The following CCNH variants were observed in gnomAD, a reference collection of about 807,000 sequenced individuals.
CCNH encodes cyclin H, also known as cyclin-H.
CCNH carries 31 observed loss-of-function variants against 41.9 expected under a neutral mutation model. The ratio of observed to expected loss-of-function variants is 0.74; its 90% confidence interval spans 0.56 to 1.00. CCNH has a LOEUF of 1.00. CCNH is among the 50% of genes least tolerant of loss of function. The pLI is 0.00. For synonymous variants in CCNH, 138 were observed against 136.1 expected (o/e 1.01, Z -0.10); for missense variants, 362 against 388.4 (o/e 0.93, Z 0.57).
chr5:87,333,893 A>C (rs986252274), intron 9 of CCNH, among the ~76,000 whole-genome samples: 1 of 152,136 alleles, frequency 6.6e-6, no homozygotes, highest in Non-Finnish European at 1.5e-5. Flanking sequence ...TTGTAATGTA[A>C]ACTGGACAGG....
downstream of CCNH, chr5:87,391,034 C>A: frequency 1.3e-6 from 1 of 787,716 alleles, no homozygotes; most frequent in Non-Finnish European, 2.2e-6. Context: ...CAAGATTCTG[C>A]TGGTGAATAA....
intron 9 of CCNH, among the ~76,000 whole-genome samples, chr5:87,348,007 C>A (rs1409718444): frequency 6.6e-6 from 1 of 151,926 alleles, no homozygotes; most frequent in Non-Finnish European, 1.5e-5. Flanking sequence ...ATTTTCTCTC[C>A]TGAGAAGTAC....
intron 3 of CCNH, among the ~76,000 whole-genome samples, chr5:87,408,527 A>C (rs986587156): frequency 6.6e-6 from 1 of 152,214 alleles, no homozygotes; most frequent in African/African-American, 2.4e-5. Context: ...TGTAGATGGA[A>C]GAGTTAAAAA....
chr5:87,400,106 ACT>A (rs1763288616), intron 6 of CCNH, among the ~76,000 whole-genome samples: 1 of 152,226 alleles, frequency 6.6e-6, no homozygotes, highest in Non-Finnish European at 1.5e-5. Flanking sequence ...TTGTTATTCA[ACT>A]ATAATAAACC....
downstream of CCNH, chr5:87,386,811 C>G: frequency 6.2e-7 from 1 of 1,607,652 alleles, no homozygotes; most frequent in Non-Finnish European, 8.5e-7. Context: ...ATAACAGAAG[C>G]ATTTTATTTT....
intron 9 of CCNH, among the ~76,000 whole-genome samples, chr5:87,320,844 G>C (rs888034040): frequency 6.6e-6 from 1 of 152,218 alleles, no homozygotes; most frequent in East Asian, 1.9e-4. Context: ...AATGATGACT[G>C]CATTGTGAAA....
chr5:87,370,453 A>G (rs1353915255), intron 9 of CCNH, among the ~76,000 whole-genome samples: 1 of 152,148 alleles, frequency 6.6e-6, no homozygotes, highest in Non-Finnish European at 1.5e-5. Flanking sequence ...TTTAAAAAAC[A>G]CTCTTTAAAA....
chr5:87,371,985 G>A (rs1211499173), downstream of CCNH: 4 of 650,968 alleles, frequency 6.1e-6, no homozygotes, highest in East Asian at 2.7e-5. Flanking sequence ...ATGAAGTACA[G>A]TATAGTCTGA....
intron 7 of CCNH, among the ~76,000 whole-genome samples, chr5:87,396,002 T>G (rs1205299640): frequency 6.6e-6 from 1 of 151,790 alleles, no homozygotes; most frequent in African/African-American, 2.4e-5. Context: ...CTGTATCCTG[T>G]GGGTTCCACA....
downstream of CCNH, among the ~76,000 whole-genome samples, chr5:87,372,701 TA>T (rs1761037682): frequency 6.6e-6 from 1 of 152,222 alleles, no homozygotes; most frequent in Non-Finnish European, 1.5e-5. Flanking sequence ...TTTTTGCCTT[TA>T]CAAGGGTAAC....
At chr5:87,374,445 A>G, downstream of CCNH, 1 of 263,544 alleles carries the variant, frequency 3.8e-6, no homozygotes, top group Non-Finnish European at 6.2e-6. Context: ...CTAATAGCAT[A>G]TATATATATA....
chr5:87,333,255 T>C lies in CCNH; in HGVS notation c.*91-14358A>G. The C allele has an allele frequency of 1.2e-6, 2 of 1,610,884 alleles. No homozygotes were observed. Among genetic ancestry groups the C allele is most frequent in the African/African-American group, 1.3e-5 (1 of 74,782 alleles). On this transcript the variant is annotated intron_variant and NMD_transcript_variant, in intron 9 of 9. Transcript: ENST00000645953. ...CTATCTTTTTAAATCTTTTTTTTTT[T>C]ATGGTTTCTAGCCAGTAGAAGATAG... is the stretch of plus-strand genomic sequence containing the variant.
intron 4 of CCNH, among the ~76,000 whole-genome samples, chr5:87,405,511 C>A (rs576928904): frequency 2.6e-5 from 4 of 152,072 alleles, no homozygotes; most frequent in African/African-American, 9.7e-5. Context: ...ATAAAATAAA[C>A]TATAAATCCT....
chr5:87,348,236 A>C (rs1476843188), intron 9 of CCNH, among the ~76,000 whole-genome samples: 1 of 151,860 alleles, frequency 6.6e-6, no homozygotes, highest in East Asian at 1.9e-4. Context: ...TTTTCTTTTT[A>C]CTGAACATGA....
chr5:87,355,129 A>G (rs1252214058), intron 9 of CCNH, among the ~76,000 whole-genome samples: 4 of 152,206 alleles, frequency 2.6e-5, no homozygotes, highest in African/African-American at 9.6e-5. Context: ...TCCAGAAGAT[A>G]ACTAGCAAGT....
chr5:87,335,512 G>A (rs997565073), intron 9 of CCNH, among the ~76,000 whole-genome samples: 7 of 129,778 alleles, frequency 5.4e-5, no homozygotes, highest in African/African-American at 1.5e-4. Flanking sequence ...TGCAACCTCC[G>A]CCACCTGGGT....
chr5:87,379,421 T>G (rs1489564808), upstream of CCNH, among the ~76,000 whole-genome samples: 2 of 152,214 alleles, frequency 1.3e-5, no homozygotes, highest in African/African-American at 4.8e-5. Context: ...GCATTTGATA[T>G]TTTTATTAGC....
rs1580474471 is a variant in CCNH at position 87,412,866 on chromosome 5, A to C, written c.-72T>G. 4 of 1,569,610 alleles carry C rather than the reference A, an allele frequency of 2.5e-6. No homozygotes were observed. Among genetic ancestry groups the C allele is most frequent in the Admixed American group, 1.7e-5 (1 of 57,210 alleles). Reference sequence around the variant, plus strand: ...ACGCATCAGCGTCCTGGCGTAAAACACCCGTACCCCCACCGAAGATCTCGC... The same window carrying C: ...ACGCATCAGCGTCCTGGCGTAAAACCCCCGTACCCCCACCGAAGATCTCGC... On this transcript the variant is annotated 5_prime_UTR_variant, in exon 1 of 9. Coordinates refer to ENST00000256897, the MANE Select transcript of CCNH (RefSeq NM_001239.4).
downstream of CCNH, among the ~76,000 whole-genome samples, chr5:87,373,382 T>G (rs1441734877): frequency 6.6e-6 from 1 of 152,118 alleles, no homozygotes; most frequent in Non-Finnish European, 1.5e-5. Flanking sequence ...AGATACTATG[T>G]CATTTTCTAT....
Sources: allele counts gnomAD v4.1 joint callset (sites outside exome capture counted in the v4.1 genomes callset), GRCh38; gene constraint gnomAD v4.1.1; transcripts MANE v1.5; gene names NCBI Gene and HGNC (gene_info 2026-07-23, HGNC 2026-07-21).